Variants in EPB41L4A observed in about 807,000 individuals in gnomAD.
EPB41L4A encodes band 4.1-like protein 4A.
Under a neutral mutation model 108.6 loss-of-function variants are expected in EPB41L4A, and 100 were observed. The ratio of observed to expected loss-of-function variants is 0.92; its 90% confidence interval spans 0.78 to 1.09. EPB41L4A has a LOEUF of 1.09. Among genes scored for constraint, EPB41L4A ranks in the 50% least tolerant of loss-of-function variants. The pLI is 0.00. For synonymous variants in EPB41L4A, 319 were observed against 289.0 expected, an observed-to-expected ratio of 1.10 and a Z score of -1.05; for missense variants, 1,030 against 842.7, an observed-to-expected ratio of 1.22 and a Z score of -2.75.
At chr5:112,253,663 A>G (rs1199432387) in intron 9 of EPB41L4A, among the ~76,000 whole-genome samples, 1 of 152,194 alleles carries the variant, frequency 6.6e-6, no homozygotes, top group Non-Finnish European at 1.5e-5. Flanking sequence ...TGACATACGT[A>G]ACTTACTCTC....
chr5:112,382,354 G>A (rs1230033463), intron 1 of EPB41L4A, among the ~76,000 whole-genome samples: 3 of 152,244 alleles, frequency 2.0e-5, no homozygotes, highest in Non-Finnish European at 4.4e-5. Context: ...TCAGAAACTA[G>A]GAGCAAACCT....
In EPB41L4A at chr5:112,170,839, T is replaced by C. The variant is rs1580360397; in HGVS notation, c.1670+106A>G. 5 of 956,430 alleles carry C rather than the reference T, an allele frequency of 5.2e-6. No individual in the cohort carries two copies. In the East Asian group the frequency reaches 1.2e-4, roughly 23 times the overall value. 59.2% of individuals were successfully genotyped at this position (956,430 alleles called of 1,614,324 possible). ...CTGCCACACACAGTGGCAATGGCTT[T>C]GGCAGGCATCACGCTGAAGTTGCCT... On this transcript the variant is annotated intron_variant, in intron 19 of 22. Transcript: ENST00000261486.
intron 1 of EPB41L4A, among the ~76,000 whole-genome samples, chr5:112,339,507 TA>T (rs2150693140): frequency 2.3e-5 from 1 of 44,204 alleles, no homozygotes; most frequent in African/African-American, 9.3e-5. Flanking sequence ...TATATATATA[TA>T]TAGATATATA....
chr5:112,199,720 A>G (rs147054131), intron 15 of EPB41L4A, among the ~76,000 whole-genome samples: 194 of 152,262 alleles, frequency 1.3e-3, no homozygotes, highest in Non-Finnish European at 2.2e-3. Context: ...TACGCAACAC[A>G]TCGAATTCAA....
At chr5:112,247,494 C>T (rs1177848919) in intron 9 of EPB41L4A, among the ~76,000 whole-genome samples, 1 of 152,138 alleles carries the variant, frequency 6.6e-6, no homozygotes, top group Non-Finnish European at 1.5e-5. Context: ...CTGAGAATTA[C>T]CACCTACTAG....
At chr5:112,308,122 C>T (rs1414960286) in intron 1 of EPB41L4A, among the ~76,000 whole-genome samples, 1 of 152,102 alleles carries the variant, frequency 6.6e-6, no homozygotes, top group Non-Finnish European at 1.5e-5. Flanking sequence ...CTCTTCTCTC[C>T]CCACCTACTA....
intron 4 of EPB41L4A, among the ~76,000 whole-genome samples, chr5:112,266,822 C>T (rs151241212): frequency 5.4e-4 from 82 of 152,272 alleles, no homozygotes; most frequent in African/African-American, 1.9e-3. Context: ...TTCCATGTTG[C>T]CAAAAGAAAA....
At chr5:112,296,841 G>A (rs1431547094) in intron 2 of EPB41L4A, among the ~76,000 whole-genome samples, 1 of 151,814 alleles carries the variant, frequency 6.6e-6, no homozygotes, top group African/African-American at 2.4e-5. Flanking sequence ...CCCCACTTAC[G>A]AGTGAGAACA....
At chr5:112,267,629 C>G (rs929543671) in intron 4 of EPB41L4A, among the ~76,000 whole-genome samples, 2 of 151,974 alleles carry the variant, frequency 1.3e-5, no homozygotes, top group African/African-American at 2.4e-5. Context: ...ATCTATACTT[C>G]TCTCCATCCC....
intron 9 of EPB41L4A, among the ~76,000 whole-genome samples, chr5:112,253,394 TTC>T (rs1354087856): frequency 6.6e-6 from 1 of 152,212 alleles, no homozygotes; most frequent in African/African-American, 2.4e-5. Flanking sequence ...TATAACTGTA[TTC>T]TTTTAAAATG....
At chr5:112,230,421 T>G (rs1748811081) in intron 12 of EPB41L4A, among the ~76,000 whole-genome samples, 1 of 152,222 alleles carries the variant, frequency 6.6e-6, no homozygotes, top group Admixed American at 6.5e-5. Flanking sequence ...ATTATGGTCA[T>G]TCTTGCAGGA....
At chr5:112,255,749 A>T (rs955367072) in intron 9 of EPB41L4A, among the ~76,000 whole-genome samples, 1 of 152,030 alleles carries the variant, frequency 6.6e-6, no homozygotes, top group African/African-American at 2.4e-5. Context: ...TATATATTCA[A>T]ATTTATATAT....
At chr5:112,158,459 C>G (rs757033391), downstream of EPB41L4A, 3 of 419,496 alleles carry the variant, frequency 7.2e-6, no homozygotes, top group South Asian at 5.4e-5. Flanking sequence ...GAACAAATAT[C>G]AGAGGTAGAT....
At chr5:112,181,968 G>A (rs1447807621) in intron 18 of EPB41L4A, among the ~76,000 whole-genome samples, 1 of 152,012 alleles carries the variant, frequency 6.6e-6, no homozygotes, top group Non-Finnish European at 1.5e-5. Context: ...AGCTACTCAG[G>A]AGGCTGAGGC....
downstream of EPB41L4A, chr5:112,161,366 T>G (rs1184784128): frequency 4.8e-6 from 2 of 413,826 alleles, no homozygotes; most frequent in Non-Finnish European, 9.5e-6. Context: ...CATTATTAAG[T>G]CGGATTTTAA....
chr5:112,307,463 C>G lies in EPB41L4A; in HGVS notation c.127G>C (p.Asp43His). 1 of 1,613,088 alleles carries G rather than the reference C, an allele frequency of 6.2e-7. No homozygotes were observed. The highest frequency in any genetic ancestry group is 8.5e-7 in the Non-Finnish European group (1 of 1,179,274). ...KKSTKGSVVL[D>H]HVFHHVNLVE... ...AGGTTTACGTGATGGAATACGTGGT[C>G]AAGGACAACGGAACCTTTCGTTGAC... Residue 43 changes from aspartate to histidine, a missense_variant, in exon 2 of 23, where the codon GAC (aspartate) becomes CAC (histidine). Asp to His is a moderately conservative substitution (Grantham distance 81). Transcript: ENST00000261486.
chr5:112,171,272 G>C (rs188760995), intron 18 of EPB41L4A, among the ~76,000 whole-genome samples: 27 of 152,304 alleles, frequency 1.8e-4, no homozygotes, highest in African/African-American at 6.3e-4. Context: ...TCCCCATCCA[G>C]TGGTAACTGT....
At chr5:112,290,114 G>C (rs1262925409) in intron 2 of EPB41L4A, among the ~76,000 whole-genome samples, 1 of 152,018 alleles carries the variant, frequency 6.6e-6, no homozygotes, top group Non-Finnish European at 1.5e-5. Flanking sequence ...ACTGTGAAAA[G>C]CCATCCTAAC....
At chr5:112,360,398 C>T (rs1758643939) in intron 1 of EPB41L4A, among the ~76,000 whole-genome samples, 1 of 152,234 alleles carries the variant, frequency 6.6e-6, no homozygotes. Flanking sequence ...CTCAGCCTGC[C>T]CAGTGCCTGG....
Sources: gnomAD v4.1 joint callset for allele counts (sites outside exome capture counted in the v4.1 genomes callset) on GRCh38, gnomAD v4.1.1 for gene constraint, MANE v1.5 for transcripts, NCBI Gene and HGNC (gene_info 2026-07-23, HGNC 2026-07-21) for gene names.